The following ANKRD26 variants were observed in gnomAD, a reference collection of about 807,000 sequenced individuals.
ANKRD26 encodes the protein ankyrin repeat domain-containing protein 26.
A neutral mutation model predicts 208.7 loss-of-function variants in ANKRD26; 141 were observed. The ratio of observed to expected loss-of-function variants is 0.68; its 90% confidence interval spans 0.59 to 0.78. ANKRD26 has a LOEUF of 0.78. Ranked by LOEUF, ANKRD26 falls within the 30% of genes least tolerant of loss-of-function variation. ANKRD26 has a pLI of 0.00. For missense variants in ANKRD26, 1,889 were observed against 1,938.7 expected (o/e 0.97, Z 0.48); for synonymous variants, 636 against 660.4 (o/e 0.96, Z 0.57).
At chr10:26,955,351 C>G in the ANKRD26 span, among the ~76,000 whole-genome samples, 2 of 151,678 alleles carry the variant, frequency 1.3e-5, no homozygotes, top group Admixed American at 6.6e-5. Context: ...TGGCTTGAAC[C>G]TAGGAGGCGG....
rs1281487838 is a variant in ANKRD26, at chr10:27,043,506, G to T, written c.2081C>A (p.Ala694Asp). The change falls in exon 20 of 34, where the codon GCC (alanine) becomes GAC (aspartate). Residue 694 changes from alanine (A) to aspartate (D), a missense_variant. Transcript: ENST00000376087. ...VDDLTQSSETASEDCELPHSS... is the reference protein window; with the variant it reads ...VDDLTQSSETDSEDCELPHSS... ...GTGGGGTAGCTCACAATCCTCTGAGGCTGTTTCAGATGACTGAGTTAAGTC... is the reference window on the plus strand; with the variant it reads ...GTGGGGTAGCTCACAATCCTCTGAGTCTGTTTCAGATGACTGAGTTAAGTC... 6.2e-7 allele frequency: 1 copy of T among 1,613,658 alleles called. No individual in the cohort carries two copies. The highest frequency in any genetic ancestry group is 8.5e-7 in the Non-Finnish European group (1 of 1,179,786).
downstream of ANKRD26, among the ~76,000 whole-genome samples, chr10:26,971,849 A>G (rs973731444): frequency 6.6e-6 from 1 of 152,060 alleles, no homozygotes; most frequent in African/African-American, 2.4e-5. Flanking sequence ...CCATCCTTCA[A>G]TATTAAGCCT....
chr10:26,951,012 TC>T, the ANKRD26 span, among the ~76,000 whole-genome samples: 19 of 97,146 alleles, frequency 2.0e-4, no homozygotes, highest in African/African-American at 2.9e-4. Flanking sequence ...TCTTTTCTTT[TC>T]TTTTTCTTTT....
intron 5 of ANKRD26, among the ~76,000 whole-genome samples, chr10:27,084,218 C>CAAAAAAAAAAAAA (rs1275450082): frequency 1.2e-5 from 1 of 82,452 alleles, no homozygotes; most frequent in Non-Finnish European, 2.9e-5. Flanking sequence ...AACTACATCT[C>CAAAAAAAAAAAAA]AAAAAAAAAA....
chr10:26,987,994 G>T (rs2052419058), downstream of ANKRD26, among the ~76,000 whole-genome samples: 1 of 152,134 alleles, frequency 6.6e-6, no homozygotes, highest in Non-Finnish European at 1.5e-5. Flanking sequence ...CTCCACTTTT[G>T]TGTATGAATA....
intron 1 of ANKRD26, 92 bp downstream of exon 1, chr10:27,099,993 G>C (rs772868302): frequency 1.0e-4 from 160 of 1,594,636 alleles, no homozygotes; most frequent in Middle Eastern, 3.5e-4. Flanking sequence ...GCGGGAGGCT[G>C]ATCCAGGCCC....
At chr10:27,093,166 T>C (rs1290540787) in intron 3 of ANKRD26, among the ~76,000 whole-genome samples, 183 bp downstream of exon 3, 1 of 152,228 alleles carries the variant, frequency 6.6e-6, no homozygotes, top group East Asian at 1.9e-4. Context: ...AAAGGTGTAC[T>C]GCCTAATGCT....
At chr10:27,054,959 C>G (rs554444995) in intron 15 of ANKRD26, among the ~76,000 whole-genome samples, 19 of 152,068 alleles carry the variant, frequency 1.2e-4, no homozygotes, top group African/African-American at 4.3e-4. Context: ...ACCCTAAATA[C>G]TGTGGAGAGA....
At chr10:27,037,650 T>G (rs1362878644) in intron 22 of ANKRD26, among the ~76,000 whole-genome samples, 1 of 152,182 alleles carries the variant, frequency 6.6e-6, no homozygotes, top group African/African-American at 2.4e-5. Flanking sequence ...TGTTAGTGAT[T>G]AAACTCAACT....
chr10:27,010,307 T>C (rs1357460891), intron 32 of ANKRD26, among the ~76,000 whole-genome samples: 1 of 152,124 alleles, frequency 6.6e-6, no homozygotes, highest in Non-Finnish European at 1.5e-5. Context: ...ATACTAAAAA[T>C]AAACACCTCC....
At chr10:26,970,766 C>T (rs573005323), downstream of ANKRD26, among the ~76,000 whole-genome samples, 162 of 152,258 alleles carry the variant, frequency 1.1e-3, no homozygotes, top group Middle Eastern at 6.8e-3. Flanking sequence ...AAGGAATTTC[C>T]GTATACACTC....
At chr10:27,063,653 A>G (rs924787042) in intron 12 of ANKRD26, among the ~76,000 whole-genome samples, 4 of 152,126 alleles carry the variant, frequency 2.6e-5, no homozygotes, top group Admixed American at 6.5e-5. Context: ...TCTCCATTAC[A>G]TACACTTGCT....
chr10:27,007,289 G>A (rs1036018000), intron 32 of ANKRD26, among the ~76,000 whole-genome samples: 1 of 152,148 alleles, frequency 6.6e-6, no homozygotes, highest in Admixed American at 6.5e-5. Flanking sequence ...GCATTACTTT[G>A]TAATTCTTAG....
downstream of ANKRD26, among the ~76,000 whole-genome samples, chr10:27,000,179 G>C (rs2052690991): frequency 6.6e-6 from 1 of 152,146 alleles, no homozygotes; most frequent in African/African-American, 2.4e-5. Flanking sequence ...GACCCAGATA[G>C]ACCATGCCTG....
At chr10:27,077,801 A>C (rs915908860) in intron 7 of ANKRD26, 108 bp from the exon 8 acceptor site, 26 of 1,035,266 alleles carry the variant, frequency 2.5e-5, no homozygotes, top group Non-Finnish European at 3.6e-5. Flanking sequence ...CACAAAGAAC[A>C]AAGATTTTGG....
chr10:27,060,412 G>A lies in ANKRD26; in HGVS notation c.1497C>T (p.Thr499=), dbSNP rs2055013056. ...TTGGAACAGAATCTTTCATTTCAAT[G>A]GTAGGCTGAATGGGTTTTGAAACAA... ...SPERYLHLKP[T]IEMKDSVPNK... Residue 499 remains threonine, a synonymous_variant, in exon 15 of 34, where the codon ACC becomes ACT. Coordinates refer to ENST00000376087, the MANE Select transcript of ANKRD26 (RefSeq NM_014915.3). The A allele has an allele frequency of 6.2e-7, 1 of 1,611,796 alleles. No homozygotes were observed. Among genetic ancestry groups the A allele is most frequent in the South Asian group, 1.1e-5 (1 of 90,984 alleles).
chr10:27,013,287 A>G (rs960394028), intron 31 of ANKRD26, among the ~76,000 whole-genome samples, 177 bp from the exon 32 acceptor site: 7 of 152,170 alleles, frequency 4.6e-5, no homozygotes, highest in African/African-American at 1.7e-4. Flanking sequence ...TAATTTTTAG[A>G]CTGTTCTAAA....
chr10:27,003,752 C>CAAACCA (rs1176667945), downstream of ANKRD26, among the ~76,000 whole-genome samples: 5 of 152,118 alleles, frequency 3.3e-5, no homozygotes, highest in African/African-American at 1.2e-4. Flanking sequence ...AAACACTGTA[C>CAAACCA]AAACCAAAAT....
intron 5 of ANKRD26, among the ~76,000 whole-genome samples, chr10:27,085,736 A>C (rs1174600752): frequency 6.6e-6 from 1 of 152,144 alleles, no homozygotes; most frequent in African/African-American, 2.4e-5. Context: ...TTTGAACTGC[A>C]CAAATCCACC....
Sources: gnomAD v4.1 joint callset for allele counts (sites outside exome capture counted in the v4.1 genomes callset) on GRCh38, gnomAD v4.1.1 for gene constraint, MANE v1.5 for transcripts, NCBI Gene and HGNC (gene_info 2026-07-23, HGNC 2026-07-21) for gene names.